Variants in PDGFD observed in about 807,000 individuals in gnomAD.
PDGFD encodes platelet derived growth factor D, also known as platelet-derived growth factor D.
Under a neutral mutation model 44.7 loss-of-function variants are expected in PDGFD, and 30 were observed. The ratio of observed to expected loss-of-function variants is 0.67; its 90% confidence interval spans 0.50 to 0.91. The LOEUF (loss-of-function observed/expected upper bound fraction) is 0.91. Ranked by LOEUF, PDGFD falls within the 40% of genes least tolerant of loss-of-function variation. The pLI is 0.00. For missense variants in PDGFD, 445 were observed against 457.8 expected, an observed-to-expected ratio of 0.97 and a Z score of 0.25; for synonymous variants, 173 against 168.4, an observed-to-expected ratio of 1.03 and a Z score of -0.21.
intron 1 of PDGFD, among the ~76,000 whole-genome samples, chr11:104,092,607 A>G (rs975749781): frequency 6.6e-6 from 1 of 152,206 alleles, no homozygotes; most frequent in Admixed American, 6.5e-5. Context: ...GAAAAAAATC[A>G]GGACTAATTC....
chr11:103,992,821 T>C (rs1487949099), intron 3 of PDGFD, among the ~76,000 whole-genome samples: 2 of 152,188 alleles, frequency 1.3e-5, no homozygotes, highest in African/African-American at 2.4e-5. Context: ...GCATGAACCA[T>C]GTAGATGTGA....
intron 1 of PDGFD, among the ~76,000 whole-genome samples, chr11:104,029,644 C>T (rs567144729): frequency 1.3e-5 from 2 of 152,336 alleles, no homozygotes; most frequent in African/African-American, 4.8e-5. Flanking sequence ...TTTCATTCTA[C>T]AAAGACTGAC....
intron 6 of PDGFD, among the ~76,000 whole-genome samples, chr11:103,910,023 T>C (rs1056730744): frequency 1.3e-5 from 2 of 152,296 alleles, no homozygotes; most frequent in African/African-American, 2.4e-5. Context: ...GAGGAATCAA[T>C]TGATCCCAGA....
intron 5 of PDGFD, among the ~76,000 whole-genome samples, chr11:103,934,681 G>C (rs1858459664): frequency 6.6e-6 from 1 of 152,122 alleles, no homozygotes; most frequent in African/African-American, 2.4e-5. Flanking sequence ...AAGTGTAGGG[G>C]AACTGCCCTT....
intron 1 of PDGFD, among the ~76,000 whole-genome samples, chr11:104,099,869 C>T (rs496071): frequency 0.98 from 149,202 of 152,062 alleles, 73,229 homozygotes; most frequent in Non-Finnish European, 1. Flanking sequence ...ATGCATGTTA[C>T]GTCTAAGCTC....
At chr11:104,101,947 C>A (rs866771429) in intron 1 of PDGFD, among the ~76,000 whole-genome samples, 1,756 of 151,722 alleles carry the variant, frequency 0.012, 29 homozygotes, top group African/African-American at 0.04. Flanking sequence ...TAAAGACTTA[C>A]ATGTTAGACC....
At chr11:104,091,436 C>G (rs1261230873) in intron 1 of PDGFD, among the ~76,000 whole-genome samples, 1 of 152,124 alleles carries the variant, frequency 6.6e-6, no homozygotes, top group Non-Finnish European at 1.5e-5. Context: ...GATAGAGCTA[C>G]TGGATCAGGA....
chr11:104,115,050 C>A (rs1044539691), intron 1 of PDGFD, among the ~76,000 whole-genome samples: 1 of 151,714 alleles, frequency 6.6e-6, no homozygotes, highest in Non-Finnish European at 1.5e-5. Context: ...ACACCCCCTC[C>A]CCACCCTCTT....
At chr11:103,965,400 T>C (rs1859002718) in intron 3 of PDGFD, among the ~76,000 whole-genome samples, 3 of 152,178 alleles carry the variant, frequency 2.0e-5, no homozygotes, top group African/African-American at 4.8e-5. Context: ...TTGTTTATCA[T>C]CATCAAAAGT....
chr11:104,006,217 C>T (rs1334333741), intron 1 of PDGFD, among the ~76,000 whole-genome samples: 5 of 152,154 alleles, frequency 3.3e-5, no homozygotes, highest in African/African-American at 4.8e-5. Flanking sequence ...ATTCTCAGGT[C>T]CTACTCCAGA....
At chr11:104,128,392 T>C (rs924560) in intron 1 of PDGFD, among the ~76,000 whole-genome samples, 19,812 of 152,162 alleles carry the variant, frequency 0.13, 1,429 homozygotes, top group East Asian at 0.29. Context: ...GGTTCATCTC[T>C]ACTAAATGCT....
chr11:103,985,029 T>C (rs1859335884), intron 3 of PDGFD, among the ~76,000 whole-genome samples: 1 of 124,016 alleles, frequency 8.1e-6, no homozygotes, highest in Non-Finnish European at 1.6e-5. Flanking sequence ...TATTAATTTA[T>C]TTGATATAGT....
At position 103,985,039 on chromosome 11, in the gene PDGFD, T is replaced by C. The variant is rs1859336147; in HGVS notation, c.510+11026A>G. Among the ~76,000 whole-genome samples, 3 of 103,978 alleles carry C rather than the reference T, an allele frequency of 2.9e-5. 1 individual carries two copies. Among genetic ancestry groups the C allele is most frequent in the Non-Finnish European group, 5.4e-5 (3 of 55,898 alleles). The allele number at this position is 103,978 out of a possible 152,430, so 68.2% of individuals were successfully genotyped here. ...ATATATATTAATTTATTTGATATAGTTATATTTGTTTAATATATATTAATT... is the reference window on the plus strand; with the variant it reads ...ATATATATTAATTTATTTGATATAGCTATATTTGTTTAATATATATTAATT... On this transcript the variant is annotated intron_variant, in intron 3 of 6. Coordinates refer to ENST00000393158, the MANE Select transcript of PDGFD (RefSeq NM_025208.5).
chr11:103,974,105 T>G (rs1451733479), intron 3 of PDGFD, among the ~76,000 whole-genome samples: 2 of 151,970 alleles, frequency 1.3e-5, no homozygotes, highest in Non-Finnish European at 2.9e-5. Context: ...TCCAGACCAC[T>G]AGAAGAAGAA....
At chr11:104,137,728 CTTTTTTTTTTTTT>C (rs5794295) in intron 1 of PDGFD, among the ~76,000 whole-genome samples, 3 of 76,618 alleles carry the variant, frequency 3.9e-5, no homozygotes, top group African/African-American at 9.5e-5. Context: ...TAGATCACCA[CTTTTTTTTTTTTT>C]TTTTTTTTTT....
At chr11:103,925,999 G>T (rs987612869) in intron 6 of PDGFD, among the ~76,000 whole-genome samples, 5 of 151,986 alleles carry the variant, frequency 3.3e-5, no homozygotes, top group Admixed American at 6.6e-5. Context: ...AAAGTGCTAG[G>T]ATTACAGGCG....
chr11:103,934,099 C>A (rs887803433), intron 5 of PDGFD, among the ~76,000 whole-genome samples: 28 of 152,214 alleles, frequency 1.8e-4, no homozygotes, highest in Admixed American at 1.3e-4. Context: ...AGCTTTGCAG[C>A]CAACAAGGCC....
rs558129429 is a variant in PDGFD, at chr11:104,132,267, T to C, written c.124+31537A>G. Among the ~76,000 whole-genome samples the C allele has an allele frequency of 1.3e-3, 200 of 152,212 alleles. 1 individual carries two copies. Among genetic ancestry groups the C allele is most frequent in the African/African-American group, 4.6e-3 (193 of 41,566 alleles). On this transcript the variant is annotated intron_variant, in intron 1 of 6. Transcript: ENST00000393158. ...GATAAAAGTTCTAATAAAAGTCACCTGAAACCTTGCATATTTTTAAAAATT... is the reference window on the plus strand; with the variant it reads ...GATAAAAGTTCTAATAAAAGTCACCCGAAACCTTGCATATTTTTAAAAATT...
intron 1 of PDGFD, among the ~76,000 whole-genome samples, chr11:104,152,641 A>G (rs1440398066): frequency 1.3e-5 from 2 of 152,132 alleles, no homozygotes; most frequent in Non-Finnish European, 2.9e-5. Context: ...AGTCAGTGTT[A>G]TCTGGTTAGT....
Sources: gnomAD v4.1 joint callset for allele counts (sites outside exome capture counted in the v4.1 genomes callset) on GRCh38, gnomAD v4.1.1 for gene constraint, MANE v1.5 for transcripts, NCBI Gene and HGNC (gene_info 2026-07-23, HGNC 2026-07-21) for gene names.